Variants in WWOX observed in about 807,000 individuals in gnomAD.
WWOX encodes the protein WW domain containing oxidoreductase.
WWOX carries 69 observed loss-of-function variants against 46.2 expected under a neutral mutation model. The ratio of observed to expected loss-of-function variants is 1.49; its 90% confidence interval spans 1.23 to 1.82. WWOX has a LOEUF of 1.82. WWOX is among the 40% of genes most tolerant of loss of function. The pLI is 0.00. For missense variants in WWOX, 919 were observed against 542.6 expected, an observed-to-expected ratio of 1.69 and a Z score of -6.89; for synonymous variants, 359 against 202.6, an observed-to-expected ratio of 1.77 and a Z score of -6.56.
intron 6 of WWOX, among the ~76,000 whole-genome samples, chr16:78,403,056 G>C (rs907795659): frequency 1.3e-5 from 2 of 152,188 alleles, no homozygotes; most frequent in African/African-American, 4.8e-5. Flanking sequence ...GCTGTCAGGG[G>C]CTTCTGAACT....
intron 8 of WWOX, among the ~76,000 whole-genome samples, chr16:79,079,810 A>G (rs1256933837): frequency 6.6e-6 from 1 of 152,200 alleles, no homozygotes; most frequent in Non-Finnish European, 1.5e-5. Context: ...GGAATAAAGG[A>G]GAGAGGGTTG....
chr16:79,021,143 A>G (rs919586265), intron 8 of WWOX, among the ~76,000 whole-genome samples: 1 of 152,196 alleles, frequency 6.6e-6, no homozygotes, highest in Admixed American at 6.5e-5. Context: ...TATTTGTTGA[A>G]TGAATGAATT....
At chr16:78,304,981 T>G (rs2080106590) in intron 5 of WWOX, among the ~76,000 whole-genome samples, 1 of 152,082 alleles carries the variant, frequency 6.6e-6, no homozygotes, top group Non-Finnish European at 1.5e-5. Flanking sequence ...CCCTTTTTCC[T>G]TTTCTTTCCT....
chr16:78,974,579 A>G, intron 8 of WWOX, among the ~76,000 whole-genome samples: 1 of 152,218 alleles, frequency 6.6e-6, no homozygotes, highest in East Asian at 1.9e-4. Context: ...TGTGCAGGGA[A>G]TTATTTCAGT....
intron 5 of WWOX, among the ~76,000 whole-genome samples, chr16:78,381,997 C>T (rs924153548): frequency 6.6e-6 from 1 of 152,180 alleles, no homozygotes; most frequent in African/African-American, 2.4e-5. Flanking sequence ...TCCTGTGTAG[C>T]AGGTGCATGC....
chr16:78,767,915 T>G (rs2049963538), intron 8 of WWOX, among the ~76,000 whole-genome samples: 1 of 152,150 alleles, frequency 6.6e-6, no homozygotes, highest in Non-Finnish European at 1.5e-5. Flanking sequence ...TTTTGCTTTC[T>G]TTTGGCTAAT....
At chr16:78,445,659 T>C (rs920010943) in intron 8 of WWOX, among the ~76,000 whole-genome samples, 1 of 152,198 alleles carries the variant, frequency 6.6e-6, no homozygotes, top group African/African-American at 2.4e-5. Context: ...GCTGGATCAC[T>C]TGAGGCCGGG....
intron 6 of WWOX, among the ~76,000 whole-genome samples, chr16:78,404,290 G>C (rs2082475808): frequency 1.3e-5 from 2 of 151,982 alleles, no homozygotes; most frequent in Admixed American, 1.3e-4. Context: ...TATTTTTCGG[G>C]GATTTTGTAA....
At chr16:78,879,703 C>T (rs947520826) in intron 8 of WWOX, among the ~76,000 whole-genome samples, 2 of 152,032 alleles carry the variant, frequency 1.3e-5, no homozygotes, top group African/African-American at 4.8e-5. Flanking sequence ...CATGGAGAAA[C>T]CCTGTCGTTA....
Position 78,327,410 on chromosome 16 carries a change from C to T in WWOX, c.517-59450C>T, listed in dbSNP as rs114263883. On this transcript the variant is annotated intron_variant, in intron 5 of 8. Coordinates refer to ENST00000566780, the MANE Select transcript of WWOX (RefSeq NM_016373.4). Reference sequence around the variant, plus strand: ...ATGAATCTGGGGCATCTTCACTGGACTCTCCAAGCCCCAGTACCCTCAGTG... The same window carrying T: ...ATGAATCTGGGGCATCTTCACTGGATTCTCCAAGCCCCAGTACCCTCAGTG... Among the ~76,000 whole-genome samples the T allele has an allele frequency of 5.9e-3, 896 of 152,212 alleles. 13 individuals carry two copies. The highest frequency in any genetic ancestry group is 0.021 in the African/African-American group (862 of 41,534).
intron 8 of WWOX, among the ~76,000 whole-genome samples, chr16:78,442,730 A>T (rs533967834): frequency 1.2e-4 from 19 of 152,102 alleles, no homozygotes; most frequent in African/African-American, 4.6e-4. Context: ...CTGAAATCCC[A>T]GCACTTTGGG....
At chr16:78,796,902 T>A (rs2142630015) in intron 8 of WWOX, among the ~76,000 whole-genome samples, 1 of 151,602 alleles carries the variant, frequency 6.6e-6, no homozygotes, top group Admixed American at 6.6e-5. Flanking sequence ...CTCGGCTCAC[T>A]GCAAATTCTG....
chr16:78,108,515 G>C (rs1308338700), intron 2 of WWOX, 28 bp downstream of exon 2: 11 of 1,612,266 alleles, frequency 6.8e-6, no homozygotes, highest in South Asian at 1.1e-5. Context: ...TAAGGATCTT[G>C]GATGGAAGCA....
chr16:78,784,460 G>A (rs916894989), intron 8 of WWOX, among the ~76,000 whole-genome samples: 1 of 151,926 alleles, frequency 6.6e-6, no homozygotes, highest in African/African-American at 2.4e-5. Flanking sequence ...ACCCATTAGG[G>A]ATTATTAATA....
At chr16:79,047,217 A>T (rs2048081738) in intron 8 of WWOX, among the ~76,000 whole-genome samples, 1 of 152,148 alleles carries the variant, frequency 6.6e-6, no homozygotes, top group African/African-American at 2.4e-5. Context: ...AGGGAAAGAG[A>T]CACAAATTGT....
intron 5 of WWOX, among the ~76,000 whole-genome samples, chr16:78,182,170 C>G (rs549588255): frequency 2.1e-4 from 32 of 152,272 alleles, no homozygotes; most frequent in African/African-American, 5.5e-4. Flanking sequence ...TCATCTGTAA[C>G]TTGGGGATGA....
chr16:78,678,643 G>C (rs924626610), intron 8 of WWOX, among the ~76,000 whole-genome samples: 27 of 152,184 alleles, frequency 1.8e-4, no homozygotes, highest in African/African-American at 6.3e-4. Context: ...AAAACACATG[G>C]AGTCTTGGAG....
At chr16:78,539,330 C>G (rs541606724) in intron 8 of WWOX, among the ~76,000 whole-genome samples, 4 of 152,284 alleles carry the variant, frequency 2.6e-5, no homozygotes, top group East Asian at 1.9e-4. Context: ...AAATAACTCG[C>G]AAAAATATCC....
chr16:78,503,460 ATTT>A (rs548348144), intron 8 of WWOX, among the ~76,000 whole-genome samples: 1 of 146,746 alleles, frequency 6.8e-6, no homozygotes, highest in Non-Finnish European at 1.5e-5. Flanking sequence ...AAAAAAAAAA[ATTT>A]TTTTTTGATC....
Sources: gnomAD v4.1 joint callset for allele counts (sites outside exome capture counted in the v4.1 genomes callset) on GRCh38, gnomAD v4.1.1 for gene constraint, MANE v1.5 for transcripts, NCBI Gene and HGNC (gene_info 2026-07-23, HGNC 2026-07-21) for gene names.